RBM28: variants seen among roughly 807,000 people sequenced by gnomAD.
RBM28 encodes RNA-binding protein 28.
Under a neutral mutation model 98.3 loss-of-function variants are expected in RBM28, and 78 were observed. The ratio of observed to expected loss-of-function variants is 0.79; its 90% CI spans 0.66 to 0.96. The LOEUF (loss-of-function observed/expected upper bound fraction) is 0.96. RBM28 is among the 40% of genes least tolerant of loss of function. The pLI, the probability that RBM28 is intolerant of heterozygous loss-of-function variation, is 0.00. For synonymous variants in RBM28, 306 were observed against 330.9 expected (o/e 0.92, Z 0.82); for missense variants, 838 against 913.0 (o/e 0.92, Z 1.06).
At chr7:128,326,172 C>G (rs951759483) in intron 10 of RBM28, among the ~76,000 whole-genome samples, 6 of 151,914 alleles carry the variant, frequency 3.9e-5, no homozygotes, top group African/African-American at 1.5e-4. Context: ...GGCGTGGTGG[C>G]GGGCACCTGT....
chr7:128,335,596 T>C lies in RBM28; in HGVS notation c.893A>G (p.Asp298Gly). 1 of 1,614,214 alleles carries C rather than the reference T, an allele frequency of 6.2e-7. No homozygotes were observed. Among genetic ancestry groups the C allele is most frequent in the Non-Finnish European group, 8.5e-7 (1 of 1,180,032 alleles). The stretch of plus-strand genomic sequence containing the variant: ...ATCACTCTGAGCCAGTTCCTCTCCA[T>C]CATCAATACTATCGCTTTCCTCTAG... ...SDLEESDSID[D>G]GEELAQSDTS... The change falls in exon 8 of 19, where the codon GAT becomes GGT. Residue 298 changes from aspartate to glycine, a missense_variant. Transcript: ENST00000223073.
intron 1 of RBM28, chr7:128,341,033 T>C: frequency 1.3e-6 from 1 of 749,442 alleles, no homozygotes; most frequent in Non-Finnish European, 1.9e-6. Context: ...CTTTGCCCTT[T>C]TTGGTTTAAC....
chr7:128,330,280 A>G (rs1796449742), intron 10 of RBM28, among the ~76,000 whole-genome samples: 1 of 151,932 alleles, frequency 6.6e-6, no homozygotes, highest in African/African-American at 2.4e-5. Flanking sequence ...GTAAATAAGC[A>G]AGGGATTAAA....
rs964985068 is a variant in RBM28 at position 128,298,043 on chromosome 7, C to T, written c.*12754G>A. On this transcript the variant is annotated 3_prime_UTR_variant, in exon 19 of 19. Transcript: ENST00000223073. ...GGGAGATATACCTAATGCTAGATGA[C>T]GAGTTAGTGGGTGCAGCGACCAGCA... 17 of 40,734 alleles carry T rather than the reference C, an allele frequency of 4.2e-4. No homozygotes were observed. The highest frequency in any genetic ancestry group is 2.8e-3 in the East Asian group (1 of 358). 2.5% of individuals were successfully genotyped at this position (40,734 alleles called of 1,614,324 possible).
chr7:128,331,260 T>C (rs1274212322), intron 9 of RBM28, among the ~76,000 whole-genome samples: 1 of 151,670 alleles, frequency 6.6e-6, no homozygotes, highest in Non-Finnish European at 1.5e-5. Flanking sequence ...GCTACATGGA[T>C]GTATACATAT....
Position 128,343,817 on chromosome 7 carries a change from T to TGAGGACGCGAGCAAACTAGGCCG in RBM28, c.-47_-25dup, listed in dbSNP as rs1796784444. On this transcript the variant is annotated 5_prime_UTR_variant, in exon 1 of 19. Transcript: ENST00000223073. ...ATGAGACCGGGAAACCCAAAGCGCG[T>TGAGGACGCGAGCAAACTAGGCCG]GAGGACGCGAGCAAACTAGGCCGGC... is the stretch of plus-strand genomic sequence containing the variant. The TGAGGACGCGAGCAAACTAGGCCG allele has an allele frequency of 6.5e-7, 1 of 1,545,956 alleles. No homozygotes were observed. Among genetic ancestry groups the TGAGGACGCGAGCAAACTAGGCCG allele is most frequent in the Non-Finnish European group, 8.8e-7 (1 of 1,140,052 alleles).
rs868233134 is a variant in RBM28, at chr7:128,341,242, A to C, written c.119-1451T>G. 65 of 1,204,062 alleles carry C rather than the reference A, an allele frequency of 5.4e-5. No individual in the cohort carries two copies. In the Middle Eastern group the frequency reaches 3.3e-3, roughly 61 times the overall value. 74.6% of individuals were successfully genotyped at this position (1,204,062 alleles called of 1,614,324 possible). The stretch of plus-strand genomic sequence containing the variant: ...AAACTGGTTAAAGCAACATAACATC[A>C]ATTTTTCTCTTCTCTTGAACTCCTT... On this transcript the variant is annotated intron_variant, in intron 1 of 18. Transcript: ENST00000223073.
intron 16 of RBM28, among the ~76,000 whole-genome samples, chr7:128,316,530 G>A (rs544008652): frequency 5.3e-5 from 8 of 152,248 alleles, no homozygotes; most frequent in Admixed American, 5.2e-4. Context: ...GGCCAACATG[G>A]TGAAACCCTG....
chr7:128,339,795 GAAT>G lies in RBM28; in HGVS notation c.119-7_119-5del. The stretch of plus-strand genomic sequence containing the variant: ...AAGCCTCGACATGCCTTACTCCCTG[GAAT>G]AATGGAGTGGGGAGGGAGTGGAGGG... On this transcript the variant is annotated splice_region_variant and splice_polypyrimidine_tract_variant and intron_variant, in intron 1 of 18. Coordinates refer to ENST00000223073, the MANE Select transcript of RBM28 (RefSeq NM_018077.3). 6.2e-7 allele frequency: 1 copy of G among 1,613,688 alleles called. No individual in the cohort carries two copies. Among genetic ancestry groups the G allele is most frequent in the Non-Finnish European group, 8.5e-7 (1 of 1,179,660 alleles).
chr7:128,323,092 A>G (rs1157698009), intron 13 of RBM28, among the ~76,000 whole-genome samples: 2 of 152,204 alleles, frequency 1.3e-5, no homozygotes, highest in African/African-American at 4.8e-5. Context: ...TCTGGAGATT[A>G]TAACTCCTCC....
At chr7:128,321,195 G>A (rs1796224778) in intron 14 of RBM28, 71 bp downstream of exon 14, 1 of 1,592,006 alleles carries the variant, frequency 6.3e-7, no homozygotes, top group Admixed American at 1.7e-5. Flanking sequence ...TGGCACCACA[G>A]CCTGAGGGAA....
intron 14 of RBM28, among the ~76,000 whole-genome samples, chr7:128,318,474 C>CAAA (rs35005841): frequency 9.1e-6 from 1 of 109,936 alleles, no homozygotes; most frequent in African/African-American, 3.6e-5. Context: ...GACCCTGTCT[C>CAAA]AAAAAAAAAA....
chr7:128,310,706 C>T lies in RBM28; in HGVS notation c.*91G>A. 1.3e-6 allele frequency: 2 copies of T among 1,541,084 alleles called. No homozygotes were observed. Among genetic ancestry groups the T allele is most frequent in the South Asian group, 1.1e-5 (1 of 89,528 alleles). Reference sequence around the variant, plus strand: ...GGCAGTGCCCTTGGGGATTTTCTTTCCCTCAGTGAGAGACACGGGGGATGG... The same window carrying T: ...GGCAGTGCCCTTGGGGATTTTCTTTTCCTCAGTGAGAGACACGGGGGATGG... On this transcript the variant is annotated 3_prime_UTR_variant, in exon 19 of 19. Coordinates refer to ENST00000223073, the MANE Select transcript of RBM28 (RefSeq NM_018077.3).
At chr7:128,313,868 A>G (rs527374874) in intron 17 of RBM28, among the ~76,000 whole-genome samples, 193 of 152,176 alleles carry the variant, frequency 1.3e-3, no homozygotes, top group Admixed American at 4.1e-3. Context: ...ACCTTCCACT[A>G]TGATTAAGTT....
In RBM28 at chr7:128,301,916, CTG is replaced by C. The variant is rs898742043; in HGVS notation, c.*8879_*8880del. On this transcript the variant is annotated 3_prime_UTR_variant, in exon 19 of 19. Coordinates refer to ENST00000223073, the MANE Select transcript of RBM28 (RefSeq NM_018077.3). ...TCTATCGAAGTGCAAGTCCCTGAAT[CTG>C]TGTCCCAAGCTCTGAAAATGCAAGA... is the stretch of plus-strand genomic sequence containing the variant. 1 of 152,244 alleles carries C rather than the reference CTG, an allele frequency of 6.6e-6. No homozygotes were observed. The highest frequency in any genetic ancestry group is 2.4e-5 in the African/African-American group (1 of 41,462). The allele number at this position is 152,244 out of a possible 1,614,324, so 9.4% of individuals were successfully genotyped here.
chr7:128,305,353 G>A lies in RBM28; in HGVS notation c.*5444C>T, dbSNP rs1163682005. 6.6e-6 allele frequency: 1 copy of A among 152,152 alleles called. No homozygotes were observed. Among genetic ancestry groups the A allele is most frequent in the Non-Finnish European group, 1.5e-5 (1 of 68,048 alleles). The allele number at this position is 152,152 out of a possible 1,614,324, so 9.4% of individuals were successfully genotyped here. On this transcript the variant is annotated 3_prime_UTR_variant, in exon 19 of 19. Transcript: ENST00000223073. Reference sequence around the variant, plus strand: ...TCCAAAGCAAAAATTTCATCAGAAGGATGGCATTGGAGTCTCTTTCAGTTG... The same window carrying A: ...TCCAAAGCAAAAATTTCATCAGAAGAATGGCATTGGAGTCTCTTTCAGTTG...
chr7:128,310,848 TC>T lies in RBM28; in HGVS notation c.2228del (p.Gly743AspfsTer47). 1 of 1,614,146 alleles carries T rather than the reference TC, an allele frequency of 6.2e-7. No homozygotes were observed. ...TTGCAAGAGGTGCTCCTTTAGAAGG[TC>T]CCAATAATTTCTGCTTATATTGTTC... ...LVEQYKQKLL[G>X]PSKGAPLAKR... On this transcript the variant is annotated frameshift_variant, in exon 19 of 19. Transcript: ENST00000223073. LOFTEE classifies it high-confidence loss of function.
chr7:128,336,070 A>AT (rs752284224), intron 6 of RBM28, 28 bp from the exon 7 acceptor site: 3 of 1,569,138 alleles, frequency 1.9e-6, no homozygotes, highest in Admixed American at 1.7e-5. Context: ...GAAAGGAGGA[A>AT]TTCATTTAAT....
intron 16 of RBM28, among the ~76,000 whole-genome samples, chr7:128,316,115 A>G (rs368041444): frequency 0.24 from 37,014 of 151,740 alleles, 4,697 homozygotes; most frequent in Non-Finnish European, 0.29. Flanking sequence ...CATTTATTAT[A>G]TGCCTAGTGT....
Sources: allele counts gnomAD v4.1 joint callset (sites outside exome capture counted in the v4.1 genomes callset), GRCh38; gene constraint gnomAD v4.1.1; transcripts MANE v1.5; gene names NCBI Gene and HGNC (gene_info 2026-07-23, HGNC 2026-07-21).